FRMD4A: variants seen among roughly 807,000 people sequenced by gnomAD.
FRMD4A encodes FERM domain containing 4A, also known as FERM domain-containing protein 4A.
A neutral mutation model predicts 129.1 loss-of-function variants in FRMD4A; 29 were observed. The ratio of observed to expected loss-of-function variants is 0.22; its 90% CI spans 0.17 to 0.31. The LOEUF is 0.31. FRMD4A is among the 10% of genes least tolerant of loss of function. FRMD4A has a pLI of 1.00. For synonymous variants in FRMD4A, 634 were observed against 571.6 expected (o/e 1.11, Z -1.56); for missense variants, 1,272 against 1,375.8 (o/e 0.92, Z 1.19).
At chr10:14,156,700 T>C (rs1222534247) in intron 2 of FRMD4A, among the ~76,000 whole-genome samples, 1 of 152,170 alleles carries the variant, frequency 6.6e-6, no homozygotes, top group Non-Finnish European at 1.5e-5. Flanking sequence ...TTTTAGCAAA[T>C]CAGCCATTTT....
At chr10:14,091,418 A>G (rs1437253602) in intron 2 of FRMD4A, among the ~76,000 whole-genome samples, 1 of 151,544 alleles carries the variant, frequency 6.6e-6, no homozygotes, top group Non-Finnish European at 1.5e-5. Flanking sequence ...TTCCATTCTT[A>G]GTTTTTTGGT....
At chr10:13,928,421 A>G (rs1368678837) in intron 2 of FRMD4A, among the ~76,000 whole-genome samples, 1 of 152,040 alleles carries the variant, frequency 6.6e-6, no homozygotes, top group African/African-American at 2.4e-5. Context: ...CTAAACTCTG[A>G]ATTCTAATTA....
chr10:13,804,671 A>G (rs541665318), intron 4 of FRMD4A, among the ~76,000 whole-genome samples: 1 of 150,374 alleles, frequency 6.7e-6, no homozygotes, highest in East Asian at 2.0e-4. Flanking sequence ...CAGCCTCCCA[A>G]CTAGTTGGGA....
At chr10:14,305,236 T>C (rs1340971646) in intron 2 of FRMD4A, among the ~76,000 whole-genome samples, 3 of 152,208 alleles carry the variant, frequency 2.0e-5, no homozygotes, top group Non-Finnish European at 4.4e-5. Flanking sequence ...CCTTGAGCTA[T>C]TTACCAGGTT....
At chr10:13,741,275 C>A (rs2090992233) in intron 9 of FRMD4A, among the ~76,000 whole-genome samples, 2 of 151,672 alleles carry the variant, frequency 1.3e-5, no homozygotes, top group African/African-American at 4.8e-5. Context: ...CACAGTGAGA[C>A]CTTGTCTCTA....
intron 2 of FRMD4A, among the ~76,000 whole-genome samples, chr10:14,254,581 C>A (rs2132024852): frequency 6.6e-6 from 1 of 152,200 alleles, no homozygotes; most frequent in East Asian, 1.9e-4. Flanking sequence ...TAGCACCTTT[C>A]TTTACAATGT....
chr10:13,747,938 A>G, intron 8 of FRMD4A, 119 bp from the exon 9 acceptor site: 1 of 693,566 alleles, frequency 1.4e-6, no homozygotes, highest in Non-Finnish European at 2.6e-6. Flanking sequence ...TGTTAATAAA[A>G]AGCAGTGGGG....
chr10:14,031,996 T>C (rs1833270291), intron 2 of FRMD4A, among the ~76,000 whole-genome samples: 1 of 152,124 alleles, frequency 6.6e-6, no homozygotes, highest in African/African-American at 2.4e-5. Flanking sequence ...TTTTTTGAGA[T>C]GGGGTCTTTC....
At position 13,804,523 on chromosome 10, in the gene FRMD4A, T is replaced by TTTTCTTTCTTTCTTTCTTTCTTTCTTTC. The variant is rs35515807; in HGVS notation, c.206+6290_206+6291insGAAAGAAAGAAAGAAAGAAAGAAAGAAA. Among the ~76,000 whole-genome samples, 599 of 146,748 alleles carry TTTTCTTTCTTTCTTTCTTTCTTTCTTTC rather than the reference T, an allele frequency of 4.1e-3. 15 individuals carry two copies. The highest frequency in any genetic ancestry group is 0.011 in the African/African-American group (436 of 39,238). ...GATGCATCTTCAATGAGTCAGGACT[T>TTTTCTTTCTTTCTTTCTTTCTTTCTTTC]TTTCTTTCTTTCTTTCTTTCTTTAT... is the stretch of plus-strand genomic sequence containing the variant. On this transcript the variant is annotated intron_variant, in intron 4 of 24. Coordinates refer to ENST00000357447, the MANE Select transcript of FRMD4A (RefSeq NM_018027.5).
chr10:13,730,048 G>A (rs1300743854), intron 12 of FRMD4A, among the ~76,000 whole-genome samples: 1 of 152,162 alleles, frequency 6.6e-6, no homozygotes, highest in Non-Finnish European at 1.5e-5. Flanking sequence ...GCTTTAATGT[G>A]TAATGGCTTC....
chr10:14,101,654 A>G (rs967145387), intron 2 of FRMD4A, among the ~76,000 whole-genome samples: 2 of 152,150 alleles, frequency 1.3e-5, no homozygotes, highest in South Asian at 2.1e-4. Context: ...TACCTTATCC[A>G]TATTTGGACC....
chr10:14,164,599 C>A (rs916386922), intron 2 of FRMD4A, among the ~76,000 whole-genome samples: 1 of 152,162 alleles, frequency 6.6e-6, no homozygotes, highest in African/African-American at 2.4e-5. Context: ...TTCATTTCTA[C>A]GTTGGGAACA....
intron 2 of FRMD4A, among the ~76,000 whole-genome samples, chr10:13,980,255 ACTGT>A (rs2095555961): frequency 6.6e-6 from 1 of 152,208 alleles, no homozygotes. Flanking sequence ...TGACCACAGC[ACTGT>A]CTCTCCCCAG....
intron 4 of FRMD4A, among the ~76,000 whole-genome samples, chr10:13,803,184 G>A (rs937950900): frequency 2.7e-5 from 4 of 149,412 alleles, no homozygotes; most frequent in Non-Finnish European, 4.4e-5. Context: ...CAGTGATACT[G>A]ATTTCACTAT....
At chr10:14,258,731 T>C (rs150423683) in intron 2 of FRMD4A, among the ~76,000 whole-genome samples, 38 of 152,272 alleles carry the variant, frequency 2.5e-4, no homozygotes, top group Admixed American at 1.8e-3. Context: ...TTCATAGTTG[T>C]TTTATTTGTG....
At chr10:13,824,874 G>T (rs1445828212) in intron 3 of FRMD4A, among the ~76,000 whole-genome samples, 1 of 127,738 alleles carries the variant, frequency 7.8e-6, no homozygotes, top group Non-Finnish European at 1.6e-5. Flanking sequence ...CAGCCTAGGT[G>T]ACAGAGCAAG....
At chr10:13,947,273 C>T (rs554739730) in intron 2 of FRMD4A, among the ~76,000 whole-genome samples, 60 of 152,228 alleles carry the variant, frequency 3.9e-4, no homozygotes, top group African/African-American at 1.4e-3. Context: ...TTAGCACTCT[C>T]TATATACACT....
intron 2 of FRMD4A, among the ~76,000 whole-genome samples, chr10:13,996,293 C>T (rs1161432872): frequency 6.6e-6 from 1 of 152,202 alleles, no homozygotes; most frequent in South Asian, 2.1e-4. Context: ...ACAGTGATTC[C>T]AGAACCTGAC....
chr10:13,965,640 C>T (rs1451833964), intron 2 of FRMD4A, among the ~76,000 whole-genome samples: 2 of 152,192 alleles, frequency 1.3e-5, no homozygotes, highest in African/African-American at 4.8e-5. Context: ...AAAAAGAAAC[C>T]TGTAAGAAGT....
Sources: gnomAD v4.1 joint callset for allele counts (sites outside exome capture counted in the v4.1 genomes callset) on GRCh38, gnomAD v4.1.1 for gene constraint, MANE v1.5 for transcripts, NCBI Gene and HGNC (gene_info 2026-07-23, HGNC 2026-07-21) for gene names.